The following LRP2 variants were observed in gnomAD, a reference collection of about 807,000 sequenced individuals.
LRP2 encodes the protein low-density lipoprotein receptor-related protein 2.
Under a neutral mutation model 531.0 loss-of-function variants are expected in LRP2, and 172 were observed. That is an observed-to-expected ratio of 0.32 (90% confidence interval 0.29 to 0.37). The LOEUF (loss-of-function observed/expected upper bound fraction) is 0.37, where lower values mean the gene tolerates loss of function less well. LRP2 is among the 10% of genes least tolerant of loss of function. LRP2 has a pLI of 1.00. For missense variants in LRP2, 5,167 were observed against 5,868.3 expected (o/e 0.88, Z 3.90); for synonymous variants, 1,992 against 2,027.6 (o/e 0.98, Z 0.47).
intron 55 of LRP2, 80 bp downstream of exon 55, chr2:169,175,113 T>C: frequency 7.0e-7 from 1 of 1,423,810 alleles, no homozygotes; most frequent in Non-Finnish European, 9.9e-7. Context: ...TTCATGATAT[T>C]CAGGAAATAC....
At chr2:169,304,350 A>G (rs1266271907) in intron 4 of LRP2, among the ~76,000 whole-genome samples, 1 of 152,142 alleles carries the variant, frequency 6.6e-6, no homozygotes, top group Non-Finnish European at 1.5e-5. Context: ...CCCTATCTCT[A>G]CTATACAACC....
intron 2 of LRP2, among the ~76,000 whole-genome samples, chr2:169,320,288 TA>T (rs1237996369): frequency 6.6e-6 from 1 of 152,222 alleles, no homozygotes; most frequent in Non-Finnish European, 1.5e-5. Context: ...CTAGAATTTT[TA>T]AAAAACATAA....
At chr2:169,304,544 T>C (rs1684364617) in intron 4 of LRP2, among the ~76,000 whole-genome samples, 1 of 152,202 alleles carries the variant, frequency 6.6e-6, no homozygotes, top group Non-Finnish European at 1.5e-5. Flanking sequence ...CAAAAATATC[T>C]TCTTCATTTG....
At chr2:169,282,801 A>T in intron 10 of LRP2, 72 bp downstream of exon 10, 2 of 1,510,096 alleles carry the variant, frequency 1.3e-6, no homozygotes, top group South Asian at 2.3e-5. Flanking sequence ...TTCTGTTGTC[A>T]TCAGAAGGAA....
intron 62 of LRP2, 136 bp from the exon 63 acceptor site, chr2:169,162,736 G>T: frequency 1.1e-6 from 1 of 917,592 alleles, no homozygotes; most frequent in Non-Finnish European, 1.7e-6. Flanking sequence ...TTGCAGCTGG[G>T]TTAGGACCAT....
intron 17 of LRP2, among the ~76,000 whole-genome samples, chr2:169,258,539 C>A (rs951164652): frequency 1.3e-5 from 2 of 152,098 alleles, no homozygotes; most frequent in African/African-American, 4.8e-5. Context: ...ACTGTGAACT[C>A]TTCTGTCTTT....
chr2:169,171,990 G>A, intron 58 of LRP2, 25 bp downstream of exon 58: 1 of 1,613,676 alleles, frequency 6.2e-7, no homozygotes, highest in Non-Finnish European at 8.5e-7. Flanking sequence ...TGGTATATAA[G>A]GACCATAGGA....
Position 169,246,848 on chromosome 2 carries a change from T to C in LRP2, c.3047A>G (p.Asp1016Gly), listed in dbSNP as rs1289223095. The C allele has an allele frequency of 6.2e-7, 1 of 1,614,046 alleles. No homozygotes were observed. The change falls in exon 21 of 79, where the codon GAC (aspartate) becomes GGC (glycine). Residue 1016 changes from aspartate to glycine, a missense_variant. By Grantham distance (94) the Asp-to-Gly change is moderately conservative. Transcript: ENST00000649046. Reference protein sequence around the residue: ...LASNHLTCEGDPTNEPPTEQC... With the variant: ...LASNHLTCEGGPTNEPPTEQC... Reference sequence around the variant, plus strand: ...CTCTGTGGGTGGTTCATTGGTTGGGTCCCCCTCGCATGTCAAGTGATTGGA... The same window carrying C: ...CTCTGTGGGTGGTTCATTGGTTGGGCCCCCCTCGCATGTCAAGTGATTGGA...
intron 16 of LRP2, among the ~76,000 whole-genome samples, chr2:169,269,906 C>G (rs1284521371): frequency 2.6e-5 from 4 of 151,994 alleles, no homozygotes; most frequent in Non-Finnish European, 5.9e-5. Context: ...AACAAATTTA[C>G]AAGAAAAAAT....
intron 32 of LRP2, among the ~76,000 whole-genome samples, chr2:169,225,707 C>A (rs983094115): frequency 5.3e-5 from 8 of 152,208 alleles, no homozygotes; most frequent in African/African-American, 1.9e-4. Context: ...CTACCACAAG[C>A]ATACAAGTCA....
At chr2:169,173,014 ACTCTCAT>A (rs1687059751) in intron 57 of LRP2, 75 bp downstream of exon 57, 3 of 1,416,544 alleles carry the variant, frequency 2.1e-6, no homozygotes, top group Non-Finnish European at 3.0e-6. Flanking sequence ...TGGGAAATAC[ACTCTCAT>A]CTCTCATCTA....
chr2:169,201,656 A>G lies in LRP2; in HGVS notation c.8424T>C (p.Asp2808=). ...AATTTTTCTCATCTGAAGTGTTATT[A>G]TCATGGCAGTTGTCTACACCATTGC... is the stretch of plus-strand genomic sequence containing the variant. ...FICNGVDNCH[D]NNTSDEKNCP... The change falls in exon 44 of 79, where the codon GAT becomes GAC. Residue 2808 remains aspartate (D), a synonymous_variant. Transcript: ENST00000649046. 6.2e-7 allele frequency: 1 copy of G among 1,614,192 alleles called. No homozygotes were observed. The highest frequency in any genetic ancestry group is 8.5e-7 in the Non-Finnish European group (1 of 1,180,024).
At chr2:169,309,756 T>C (rs1433060210) in intron 3 of LRP2, among the ~76,000 whole-genome samples, 1 of 152,204 alleles carries the variant, frequency 6.6e-6, no homozygotes, top group African/African-American at 2.4e-5. Context: ...TCCAATTCTG[T>C]GAAGAAAGTC....
At chr2:169,334,121 GA>G (rs1396996426) in intron 1 of LRP2, among the ~76,000 whole-genome samples, 1 of 151,880 alleles carries the variant, frequency 6.6e-6, no homozygotes, top group East Asian at 1.9e-4. Context: ...GAAATGGAAG[GA>G]AAAAAAGCAG....
intron 3 of LRP2, among the ~76,000 whole-genome samples, chr2:169,309,305 A>C (rs748341118): frequency 9.3e-4 from 142 of 152,284 alleles, no homozygotes; most frequent in Non-Finnish European, 9.6e-4. Flanking sequence ...GCCCATGTCT[A>C]TGTCCTGAAT....
intron 16 of LRP2, among the ~76,000 whole-genome samples, chr2:169,269,762 A>C (rs1683348798): frequency 6.6e-6 from 1 of 152,202 alleles, no homozygotes; most frequent in African/African-American, 2.4e-5. Context: ...AATGGGATCT[A>C]ATTAGACTAA....
intron 76 of LRP2, among the ~76,000 whole-genome samples, chr2:169,136,992 T>A (rs1258130985): frequency 6.6e-6 from 1 of 152,208 alleles, no homozygotes; most frequent in African/African-American, 2.4e-5. Context: ...GTGGGCCCCG[T>A]CCCCAAATTC....
At chr2:169,305,887 C>G (rs113381611) in intron 4 of LRP2, among the ~76,000 whole-genome samples, 1 of 151,944 alleles carries the variant, frequency 6.6e-6, no homozygotes, top group Non-Finnish European at 1.5e-5. Flanking sequence ...GTATTTAGCA[C>G]GGGAACATGG....
In LRP2 at chr2:169,150,999, A is replaced by C. The variant is rs1320514386; in HGVS notation, c.12489T>G (p.Asn4163Lys). 1 of 1,614,088 alleles carries C rather than the reference A, an allele frequency of 6.2e-7. No homozygotes were observed. Among genetic ancestry groups the C allele is most frequent in the South Asian group, 1.1e-5 (1 of 91,082 alleles). The stretch of plus-strand genomic sequence containing the variant: ...CAAGTTTAGCCACCTCAATGCGTTT[A>C]TTCTTGACATCTGACCAGTAAATAT... ...GRHIYWSDVKNKRIEVAKLDG... is the reference protein window; with the variant it reads ...GRHIYWSDVKKKRIEVAKLDG... The change falls in exon 68 of 79, where the codon AAT becomes AAG. Residue 4163 changes from asparagine (N) to lysine (K), a missense_variant. Physicochemically the swap from Asn to Lys is moderately conservative, Grantham distance 94. Around this residue, in one of 6 missense-constraint regions of LRP2, gnomAD observed 564 missense variants for 747.7 expected, o/e 0.75. Transcript: ENST00000649046.
Sources: allele counts gnomAD v4.1 joint callset (sites outside exome capture counted in the v4.1 genomes callset), GRCh38; gene constraint gnomAD v4.1.1; regional missense constraint gnomAD v4.1.1; transcripts MANE v1.5; gene names NCBI Gene and HGNC (gene_info 2026-07-23, HGNC 2026-07-21).